PARD3B: variants seen among roughly 807,000 people sequenced by gnomAD.
PARD3B encodes the protein partitioning defective 3 homolog B.
Under a neutral mutation model 130.2 loss-of-function variants are expected in PARD3B, and 103 were observed. The ratio of observed to expected loss-of-function variants is 0.79; its 90% confidence interval spans 0.67 to 0.93. The LOEUF (loss-of-function observed/expected upper bound fraction) is 0.93, where lower values mean the gene tolerates loss of function less well. Among genes scored for constraint, PARD3B ranks in the 40% least tolerant of loss-of-function variants. The probability of loss-of-function intolerance (pLI) is 0.00; values close to 1 mark genes in which losing one functional copy is unlikely to be tolerated. For synonymous variants in PARD3B, 583 were observed against 553.2 expected (o/e 1.05, Z -0.76); for missense variants, 1,609 against 1,499.2 (o/e 1.07, Z -1.21).
In PARD3B at chr2:205,286,875, T is replaced by C. The variant is rs117373714; in HGVS notation, c.2186-13655T>C. The stretch of plus-strand genomic sequence containing the variant: ...ATAGCAAGAATTGATTTTACCTCTC[T>C]TTTGAAAGCCATTCTATTTTTCTAA... On this transcript the variant is annotated intron_variant, in intron 16 of 22. Coordinates refer to ENST00000406610, the MANE Select transcript of PARD3B (RefSeq NM_001302769.2). Among the ~76,000 whole-genome samples, 72 of 152,350 alleles carry C rather than the reference T, an allele frequency of 4.7e-4. No homozygotes were observed. The East Asian group carries it at 0.014, about 29-fold the overall frequency.
chr2:204,547,115 G>A (rs1028921352), intron 1 of PARD3B, among the ~76,000 whole-genome samples: 17 of 152,078 alleles, frequency 1.1e-4, no homozygotes, highest in African/African-American at 3.1e-4. Context: ...TAAAATAGTG[G>A]GTTGGTCAAT....
intron 19 of PARD3B, among the ~76,000 whole-genome samples, chr2:205,423,491 C>T (rs1354776497): frequency 6.6e-6 from 1 of 152,170 alleles, no homozygotes; most frequent in Non-Finnish European, 1.5e-5. Context: ...GGCTGACATG[C>T]CCCATTTCTT....
rs1575440998 is a variant in PARD3B, at chr2:205,592,769, G to A, written c.3261-22687G>A. 6.6e-6 allele frequency among the ~76,000 whole-genome samples: 1 copy of A among 152,350 alleles called. No homozygotes were observed. Among genetic ancestry groups the A allele is most frequent in the South Asian group, 2.1e-4 (1 of 4,824 alleles). ...AAAGGATCAGGAAGAAGCGGCATCT[G>A]GAACAAGTACAGATGGCCAAATCAA... On this transcript the variant is annotated intron_variant, in intron 22 of 22. Coordinates refer to ENST00000406610, the MANE Select transcript of PARD3B (RefSeq NM_001302769.2). This position sits in a 1 kb window ranked among gnomAD's most constrained non-coding sequence, Gnocchi z 4.5.
intron 22 of PARD3B, among the ~76,000 whole-genome samples, chr2:205,593,486 C>G (rs1243806531): frequency 6.6e-6 from 1 of 152,202 alleles, no homozygotes; most frequent in Non-Finnish European, 1.5e-5. Context: ...CTAAACCACA[C>G]TTAAATTAAT....
chr2:204,674,628 C>T (rs182285539), intron 1 of PARD3B, among the ~76,000 whole-genome samples: 200 of 152,180 alleles, frequency 1.3e-3, no homozygotes, highest in African/African-American at 3.6e-3. Context: ...TTTATAAACA[C>T]GGCCGCCAGT....
chr2:204,586,561 C>A lies in PARD3B; in HGVS notation c.120+40442C>A, dbSNP rs530392004. Among the ~76,000 whole-genome samples the A allele has an allele frequency of 4.6e-5, 7 of 152,240 alleles. No individual in the cohort carries two copies. The South Asian group carries it at 6.2e-4, about 14-fold the overall frequency. ...TTTGCTTAAATTGCCAACCATGGGT[C>A]CCGGTAATGTGTTCTGACTTTATTT... On this transcript the variant is annotated intron_variant, in intron 1 of 22. Transcript: ENST00000406610.
At chr2:205,238,898 A>G (rs1474538386) in intron 15 of PARD3B, among the ~76,000 whole-genome samples, 1 of 132,176 alleles carries the variant, frequency 7.6e-6, no homozygotes, top group East Asian at 2.4e-4. Context: ...ATATATATAT[A>G]TATATATATA....
At chr2:204,609,866 C>T (rs1191597746) in intron 1 of PARD3B, among the ~76,000 whole-genome samples, 1 of 152,096 alleles carries the variant, frequency 6.6e-6, no homozygotes, top group Non-Finnish European at 1.5e-5. Flanking sequence ...TATTAGCAGA[C>T]ATTCTCTACA....
intron 2 of PARD3B, among the ~76,000 whole-genome samples, chr2:204,804,251 A>G (rs1163406014): frequency 1.3e-5 from 2 of 152,150 alleles, no homozygotes; most frequent in Admixed American, 6.6e-5. Context: ...CTTGCCTACA[A>G]GAAACACAGT....
At chr2:204,720,995 C>T (rs1156438951) in intron 2 of PARD3B, among the ~76,000 whole-genome samples, 1 of 151,848 alleles carries the variant, frequency 6.6e-6, no homozygotes, top group Non-Finnish European at 1.5e-5. Flanking sequence ...GGGTGCCACC[C>T]CAGATTAAAT....
intron 2 of PARD3B, among the ~76,000 whole-genome samples, chr2:204,708,491 A>C (rs2038286686): frequency 6.6e-6 from 1 of 152,234 alleles, no homozygotes; most frequent in Admixed American, 6.5e-5. Context: ...GAAAGTAGAC[A>C]TAGATATTCG....
rs1446023139 is a variant in PARD3B, at chr2:205,292,543, A to C, written c.2186-7987A>C. On this transcript the variant is annotated intron_variant, in intron 16 of 22. Transcript: ENST00000406610. This position sits in a 1 kb window ranked among gnomAD's most constrained non-coding sequence, Gnocchi z 5.3. ...TACTCAGGGTGGTGAGATGCTCAGC[A>C]TGAGAGAGGCAAGCAAAGACCCGCA... Among the ~76,000 whole-genome samples, 3 of 152,180 alleles carry C rather than the reference A, an allele frequency of 2.0e-5. No homozygotes were observed. Among genetic ancestry groups the C allele is most frequent in the Non-Finnish European group, 4.4e-5 (3 of 68,036 alleles).
Position 204,906,406 on chromosome 2 carries a change from GGTGTGT to G in PARD3B, c.223-58737_223-58732del, listed in dbSNP as rs142202127. Among the ~76,000 whole-genome samples the G allele has an allele frequency of 4.0e-5, 6 of 151,788 alleles. No homozygotes were observed. Among genetic ancestry groups the G allele is most frequent in the Admixed American group, 2.6e-4 (4 of 15,236 alleles). On this transcript the variant is annotated intron_variant, in intron 2 of 22. Coordinates refer to ENST00000406610, the MANE Select transcript of PARD3B (RefSeq NM_001302769.2). This position sits in a 1 kb window ranked among gnomAD's most constrained non-coding sequence, Gnocchi z 4.3. ...TCCCCCTTTGTTTTCTCTTTTCATT[GGTGTGT>G]GTGTGTGTATGTATAAATGAATGAA...
intron 15 of PARD3B, among the ~76,000 whole-genome samples, chr2:205,203,444 C>T (rs2037100966): frequency 6.7e-6 from 1 of 149,172 alleles, no homozygotes; most frequent in East Asian, 2.0e-4. Context: ...TTTTACTATA[C>T]TTTTACTTTT....
chr2:204,839,830 C>G (rs1157643338), intron 2 of PARD3B, among the ~76,000 whole-genome samples: 1 of 152,098 alleles, frequency 6.6e-6, no homozygotes, highest in Non-Finnish European at 1.5e-5. Context: ...AAAGATTTGT[C>G]ATAGAAGTTT....
chr2:204,571,206 C>G (rs2031984678), intron 1 of PARD3B, among the ~76,000 whole-genome samples: 1 of 152,182 alleles, frequency 6.6e-6, no homozygotes, highest in Non-Finnish European at 1.5e-5. Flanking sequence ...AAACACTGAA[C>G]TTGGCATCTG....
chr2:205,575,113 A>ACACACGCG lies in PARD3B; in HGVS notation c.3260+21711_3260+21712insACACGCGC, dbSNP rs141496657. On this transcript the variant is annotated intron_variant, in intron 22 of 22. Coordinates refer to ENST00000406610, the MANE Select transcript of PARD3B (RefSeq NM_001302769.2). The surrounding 1 kb of genome is among the most constrained non-coding windows in gnomAD (Gnocchi z 4.6). ...CACACACACACACACACACACACAC[A>ACACACGCG]CGCGTACACTATATATAAAAATATA... Among the ~76,000 whole-genome samples, 3 of 126,286 alleles carry ACACACGCG rather than the reference A, an allele frequency of 2.4e-5. No homozygotes were observed. The highest frequency in any genetic ancestry group is 3.5e-5 in the Non-Finnish European group (2 of 56,388). The allele number at this position is 126,286 out of a possible 152,430, so 82.8% of individuals were successfully genotyped here.
chr2:205,023,902 G>C (rs1696820662), intron 3 of PARD3B, among the ~76,000 whole-genome samples: 1 of 152,038 alleles, frequency 6.6e-6, no homozygotes, highest in African/African-American at 2.4e-5. Flanking sequence ...GGGGATAGGA[G>C]TGCAGATTTT....
chr2:205,500,663 T>G (rs1252702322), intron 21 of PARD3B, among the ~76,000 whole-genome samples: 1 of 152,192 alleles, frequency 6.6e-6, no homozygotes. Flanking sequence ...GCCTACAAGA[T>G]GTACTTAACT....
Sources: allele counts gnomAD v4.1 joint callset (sites outside exome capture counted in the v4.1 genomes callset), GRCh38; gene constraint gnomAD v4.1.1; non-coding constraint Gnocchi (gnomAD v3.1); transcripts MANE v1.5; gene names NCBI Gene and HGNC (gene_info 2026-07-23, HGNC 2026-07-21).